Variants in EPC1 observed in about 807,000 individuals in gnomAD.
EPC1 encodes enhancer of polycomb homolog 1.
A neutral mutation model predicts 98.4 loss-of-function variants in EPC1; 12 were observed. The observed-to-expected ratio is 0.12, with a 90% CI of 0.08 to 0.20. The LOEUF (loss-of-function observed/expected upper bound fraction) is 0.20. Among genes scored for constraint, EPC1 ranks in the 10% least tolerant of loss-of-function variants. EPC1 has a pLI of 1.00. For synonymous variants in EPC1, 357 were observed against 363.9 expected (o/e 0.98, Z 0.21); for missense variants, 729 against 990.5 (o/e 0.74, Z 3.54).
intron 1 of EPC1, among the ~76,000 whole-genome samples, chr10:32,312,824 G>T (rs1369966442): frequency 6.6e-6 from 1 of 152,040 alleles, no homozygotes; most frequent in Non-Finnish European, 1.5e-5. Flanking sequence ...GAAAAAGTGG[G>T]ATTTTTTTTT....
At position 32,305,772 on chromosome 10, in the gene EPC1, G is replaced by A. The variant is rs1324467158; in HGVS notation, c.313C>T (p.Pro105Ser). 3.1e-6 allele frequency: 5 copies of A among 1,587,812 alleles called. No individual in the cohort carries two copies. The highest frequency in any genetic ancestry group is 3.7e-5 in the Admixed American group (2 of 53,824). Residue 105 changes from proline to serine, a missense_variant and splice_region_variant, in exon 2 of 14, where the codon CCT becomes TCT. Transcript: ENST00000319778. ...KMPKQLIHIQ[P>S]FSLDAEQPDY... ...AATCATTAAGAGAATCATTACTTAC[G>A]CTGTATGTGAATGAGCTGCTTTGGC...
At chr10:32,345,712 T>C (rs761593750) in intron 1 of EPC1, 13 of 806,702 alleles carry the variant, frequency 1.6e-5, no homozygotes, top group Non-Finnish European at 1.9e-5. Flanking sequence ...GTAAAATGTC[T>C]ATTAGTTGTC....
At chr10:32,284,548 A>C in intron 10 of EPC1, 150 bp downstream of exon 10, 1 of 611,638 alleles carries the variant, frequency 1.6e-6, no homozygotes, top group Non-Finnish European at 2.8e-6. Context: ...AACAGGATTC[A>C]AATAAATACT....
rs191762940 is a variant in EPC1, at chr10:32,364,598, C to G, written c.3+13893G>C. On this transcript the variant is annotated intron_variant, in intron 1 of 13. Transcript: ENST00000375110. ...TTGAAAAGAAGGAGTGAGACTCGAC[C>G]CTTCCCAACTCTTTCAACTCTCAAA... Among the ~76,000 whole-genome samples the G allele has an allele frequency of 2.4e-3, 369 of 152,216 alleles. 2 individuals are homozygous for G. Among genetic ancestry groups the G allele is most frequent in the African/African-American group, 8.6e-3 (359 of 41,530 alleles).
At chr10:32,300,806 C>T (rs1019401928) in intron 2 of EPC1, among the ~76,000 whole-genome samples, 7 of 152,034 alleles carry the variant, frequency 4.6e-5, no homozygotes, top group South Asian at 2.1e-4. Context: ...AATTAGCCAG[C>T]GGAAACCCCT....
chr10:32,364,526 T>C (rs1274773720), intron 1 of EPC1, among the ~76,000 whole-genome samples: 1 of 152,240 alleles, frequency 6.6e-6, no homozygotes, highest in Non-Finnish European at 1.5e-5. Context: ...CACCACCTAG[T>C]TGAATGGTCT....
intron 2 of EPC1, among the ~76,000 whole-genome samples, chr10:32,300,579 GCA>G (rs1191466583): frequency 6.6e-6 from 1 of 151,594 alleles, no homozygotes; most frequent in Admixed American, 6.6e-5. Context: ...GATTACAGAT[GCA>G]CACCACCATG....
intron 1 of EPC1, among the ~76,000 whole-genome samples, chr10:32,343,328 A>G (rs1419127824): frequency 1.3e-5 from 2 of 152,146 alleles, no homozygotes; most frequent in African/African-American, 4.8e-5. Flanking sequence ...CTCCTGCCTC[A>G]GCCTCCCGAA....
At chr10:32,367,158 G>T (rs936667064) in intron 1 of EPC1, among the ~76,000 whole-genome samples, 10 of 152,124 alleles carry the variant, frequency 6.6e-5, no homozygotes, top group African/African-American at 2.4e-4. Flanking sequence ...ACCACACCTG[G>T]CTAATTTTTG....
chr10:32,274,539 A>C (rs1404218332), intron 10 of EPC1, among the ~76,000 whole-genome samples: 1 of 152,178 alleles, frequency 6.6e-6, no homozygotes, highest in Non-Finnish European at 1.5e-5. Flanking sequence ...CTAATAAGTT[A>C]TTAGTATCTA....
chr10:32,311,463 G>A (rs1408681732), intron 1 of EPC1, among the ~76,000 whole-genome samples: 1 of 151,908 alleles, frequency 6.6e-6, no homozygotes, highest in African/African-American at 2.4e-5. Context: ...AAAGAAGAGG[G>A]CACTACAGGT....
At chr10:32,299,097 T>C (rs1049224918) in intron 2 of EPC1, among the ~76,000 whole-genome samples, 5 of 152,270 alleles carry the variant, frequency 3.3e-5, no homozygotes, top group South Asian at 2.1e-4. Flanking sequence ...GTGCTCGTGC[T>C]TGTGTGCACT....
chr10:32,338,677 C>T (rs375422148), intron 1 of EPC1, among the ~76,000 whole-genome samples: 3 of 152,128 alleles, frequency 2.0e-5, no homozygotes, highest in African/African-American at 4.8e-5. Flanking sequence ...GATCTTCCCA[C>T]GGCTCATTAC....
chr10:32,295,924 CTT>C, intron 2 of EPC1, among the ~76,000 whole-genome samples: 1 of 142,400 alleles, frequency 7.0e-6, no homozygotes, highest in African/African-American at 2.6e-5. Context: ...TCTCAATGTT[CTT>C]TTTTTTTTTT....
chr10:32,357,093 C>A (rs906908711), intron 1 of EPC1, among the ~76,000 whole-genome samples: 1 of 152,262 alleles, frequency 6.6e-6, no homozygotes, highest in Non-Finnish European at 1.5e-5. Context: ...ACTTTGAAGT[C>A]AAAAATCAGT....
At chr10:32,345,635 G>T (rs1191670094) in intron 1 of EPC1, 4 of 985,228 alleles carry the variant, frequency 4.1e-6, no homozygotes, top group Non-Finnish European at 4.8e-6. Flanking sequence ...TGGGGGAAAT[G>T]AGAGGAAGAT....
At chr10:32,369,329 T>G (rs2133119133) in intron 1 of EPC1, among the ~76,000 whole-genome samples, 1 of 152,300 alleles carries the variant, frequency 6.6e-6, no homozygotes, top group South Asian at 2.1e-4. Flanking sequence ...TAGCCATAGA[T>G]TCTAACATGA....
At chr10:32,315,178 A>G (rs931994662) in intron 1 of EPC1, among the ~76,000 whole-genome samples, 5 of 152,162 alleles carry the variant, frequency 3.3e-5, no homozygotes, top group African/African-American at 9.6e-5. Context: ...TTGTCTTTGT[A>G]ATGGACTCAT....
At chr10:32,378,550 G>A (rs1839916949) in exon 1 of EPC1, 1 of 1,398,754 alleles carries the variant, frequency 7.1e-7, no homozygotes, top group South Asian at 1.3e-5. Flanking sequence ...ATATAGGCTG[G>A]ATACTTGTGT....
Sources: allele counts gnomAD v4.1 joint callset (sites outside exome capture counted in the v4.1 genomes callset), GRCh38; gene constraint gnomAD v4.1.1; transcripts MANE v1.5; gene names NCBI Gene and HGNC (gene_info 2026-07-23, HGNC 2026-07-21).